DCC: variants seen among roughly 807,000 people sequenced by gnomAD.
DCC encodes the protein DCC netrin 1 receptor.
DCC carries 58 observed loss-of-function variants against 172.5 expected under a neutral mutation model. The ratio of observed to expected loss-of-function variants is 0.34; its 90% CI spans 0.27 to 0.42. DCC has a LOEUF of 0.42. DCC is among the 10% of genes least tolerant of loss of function. The pLI, the probability that DCC is intolerant of heterozygous loss-of-function variation, is 1.00. For synonymous variants in DCC, 709 were observed against 644.5 expected (o/e 1.10, Z -1.52); for missense variants, 1,740 against 1,791.0 (o/e 0.97, Z 0.51).
intron 12 of DCC, among the ~76,000 whole-genome samples, chr18:53,289,151 A>G (rs1218422891): frequency 3.4e-5 from 1 of 29,708 alleles, no homozygotes; most frequent in Non-Finnish European, 8.3e-5. Flanking sequence ...GAATATCTGC[A>G]TGACAAAAAA....
chr18:53,146,548 C>G (rs1361132081), intron 7 of DCC, among the ~76,000 whole-genome samples: 2 of 152,158 alleles, frequency 1.3e-5, no homozygotes, highest in Non-Finnish European at 2.9e-5. Flanking sequence ...GCCATACATC[C>G]CAATACTGTT....
At chr18:52,748,625 G>A (rs2036946568) in intron 1 of DCC, among the ~76,000 whole-genome samples, 1 of 152,224 alleles carries the variant, frequency 6.6e-6, no homozygotes, top group African/African-American at 2.4e-5. Flanking sequence ...CAGCAGTGGA[G>A]GGCTGGAGGG....
intron 12 of DCC, among the ~76,000 whole-genome samples, chr18:53,223,167 A>G (rs1426715778): frequency 1.3e-5 from 2 of 152,176 alleles, no homozygotes; most frequent in Non-Finnish European, 2.9e-5. Flanking sequence ...AATAGGACTT[A>G]GGAAAACATT....
chr18:52,682,483 G>A (rs1043995771), intron 1 of DCC, among the ~76,000 whole-genome samples: 2 of 152,062 alleles, frequency 1.3e-5, no homozygotes, highest in African/African-American at 4.8e-5. Context: ...TAGTGGGCCT[G>A]GAGAACCAAG....
chr18:53,048,689 C>G (rs1407138587), intron 5 of DCC, among the ~76,000 whole-genome samples: 5 of 148,500 alleles, frequency 3.4e-5, no homozygotes, highest in Non-Finnish European at 7.4e-5. Context: ...ATATATATAC[C>G]TATTCTTTTG....
intron 1 of DCC, among the ~76,000 whole-genome samples, chr18:52,403,610 T>G (rs1986523003): frequency 6.6e-6 from 1 of 152,010 alleles, no homozygotes; most frequent in South Asian, 2.1e-4. Flanking sequence ...GTTCACTAGA[T>G]TCTATGAAAA....
intron 8 of DCC, among the ~76,000 whole-genome samples, chr18:53,168,567 G>C (rs2054961287): frequency 6.7e-6 from 1 of 149,478 alleles, no homozygotes; most frequent in Non-Finnish European, 1.5e-5. Context: ...GTCTGTCTGG[G>C]GGCGGGCGGG....
At chr18:52,720,609 C>G (rs186902923) in intron 1 of DCC, among the ~76,000 whole-genome samples, 3 of 152,314 alleles carry the variant, frequency 2.0e-5, no homozygotes, top group Admixed American at 2.0e-4. Context: ...TTGAAGCAGT[C>G]TTGGACAACA....
chr18:53,252,640 A>G (rs1158660232), intron 12 of DCC, among the ~76,000 whole-genome samples: 1 of 151,916 alleles, frequency 6.6e-6, no homozygotes, highest in African/African-American at 2.4e-5. Flanking sequence ...CTTTCTTGTT[A>G]CTACTCTATG....
intron 1 of DCC, among the ~76,000 whole-genome samples, chr18:52,357,811 G>A (rs1408076445): frequency 6.6e-6 from 1 of 151,998 alleles, no homozygotes. Flanking sequence ...GGTGGCGGGT[G>A]CCTGTAGTCC....
At chr18:52,893,595 T>C (rs1266654275) in intron 2 of DCC, among the ~76,000 whole-genome samples, 1 of 152,174 alleles carries the variant, frequency 6.6e-6, no homozygotes, top group African/African-American at 2.4e-5. Context: ...AATGTTTCCT[T>C]CAGAAAATAT....
chr18:52,983,813 G>A (rs2041249883), intron 5 of DCC, among the ~76,000 whole-genome samples: 1 of 152,108 alleles, frequency 6.6e-6, no homozygotes, highest in African/African-American at 2.4e-5. Context: ...AGACAAAATA[G>A]GGCACGGTGC....
intron 1 of DCC, among the ~76,000 whole-genome samples, chr18:52,664,916 C>T (rs2035436981): frequency 6.6e-6 from 1 of 152,186 alleles, no homozygotes; most frequent in African/African-American, 2.4e-5. Flanking sequence ...AATGCCCTCC[C>T]TCCAACACTG....
chr18:52,366,119 G>C (rs1984839437), intron 1 of DCC, among the ~76,000 whole-genome samples: 1 of 152,074 alleles, frequency 6.6e-6, no homozygotes, highest in African/African-American at 2.4e-5. Context: ...AGAGATTTTA[G>C]CATGTGCTTA....
At chr18:52,663,651 A>G (rs766278828) in intron 1 of DCC, among the ~76,000 whole-genome samples, 9 of 152,208 alleles carry the variant, frequency 5.9e-5, no homozygotes, top group Non-Finnish European at 1.2e-4. Context: ...TAATGAATAT[A>G]TATTATATAT....
chr18:52,470,655 C>A (rs923547052), intron 1 of DCC, among the ~76,000 whole-genome samples: 3 of 152,108 alleles, frequency 2.0e-5, no homozygotes, highest in African/African-American at 7.2e-5. Flanking sequence ...AAGTCAGGAA[C>A]CCCAGTGACT....
intron 5 of DCC, among the ~76,000 whole-genome samples, chr18:53,001,131 GGCT>G (rs2041559060): frequency 6.6e-6 from 1 of 152,020 alleles, no homozygotes; most frequent in Non-Finnish European, 1.5e-5. Context: ...AGTATTTCCA[GGCT>G]ACCACTGATT....
intron 1 of DCC, among the ~76,000 whole-genome samples, chr18:52,734,348 A>G (rs997133772): frequency 6.6e-6 from 1 of 152,188 alleles, no homozygotes; most frequent in Admixed American, 6.5e-5. Context: ...GTCAAAAGCA[A>G]AATGCACAAT....
intron 1 of DCC, among the ~76,000 whole-genome samples, chr18:52,653,474 A>G (rs12606713): frequency 0.075 from 11,473 of 152,250 alleles, 531 homozygotes; most frequent in East Asian, 0.2. Flanking sequence ...TTAGTAATCC[A>G]TCTTAAATCA....
Sources: allele counts gnomAD v4.1 joint callset (sites outside exome capture counted in the v4.1 genomes callset), GRCh38; gene constraint gnomAD v4.1.1; transcripts MANE v1.5; gene names NCBI Gene and HGNC (gene_info 2026-07-23, HGNC 2026-07-21).